EPSTI1: variants seen among roughly 807,000 people sequenced by gnomAD.
EPSTI1 encodes the protein epithelial stromal interaction 1.
A neutral mutation model predicts 49.9 loss-of-function variants in EPSTI1; 66 were observed. That is an observed-to-expected ratio of 1.32 (90% CI 1.08 to 1.62). The LOEUF (loss-of-function observed/expected upper bound fraction) is 1.62, where lower values mean the gene tolerates loss of function less well. Ranked by LOEUF, EPSTI1 falls within the 40% of genes most tolerant of loss-of-function variation. The pLI is 0.00. For synonymous variants in EPSTI1, 137 were observed against 130.7 expected (o/e 1.05, Z -0.33); for missense variants, 394 against 365.5 (o/e 1.08, Z -0.64).
chr13:42,911,107 T>A (rs1269541288), intron 8 of EPSTI1, among the ~76,000 whole-genome samples: 1 of 152,206 alleles, frequency 6.6e-6, no homozygotes, highest in Non-Finnish European at 1.5e-5. Flanking sequence ...TTTGCATTCC[T>A]GGAATAAACT....
intron 8 of EPSTI1, among the ~76,000 whole-genome samples, chr13:42,916,391 T>C (rs1189167451): frequency 6.6e-6 from 1 of 152,150 alleles, no homozygotes; most frequent in African/African-American, 2.4e-5. Context: ...TGACAACCTA[T>C]GGTGCCCAAA....
At chr13:42,980,433 G>C (rs533729304) in intron 1 of EPSTI1, among the ~76,000 whole-genome samples, 1 of 152,184 alleles carries the variant, frequency 6.6e-6, no homozygotes, top group Non-Finnish European at 1.5e-5. Context: ...TGGCTGGGGA[G>C]GCCTCACAAT....
At chr13:42,979,767 T>A (rs1304115076) in intron 1 of EPSTI1, among the ~76,000 whole-genome samples, 1 of 152,272 alleles carries the variant, frequency 6.6e-6, no homozygotes, top group East Asian at 1.9e-4. Flanking sequence ...ACATCATCCC[T>A]AAATATTTTA....
At chr13:42,953,264 A>C (rs899083142) in intron 6 of EPSTI1, among the ~76,000 whole-genome samples, 1 of 152,148 alleles carries the variant, frequency 6.6e-6, no homozygotes, top group African/African-American at 2.4e-5. Flanking sequence ...AAAAAAAAAA[A>C]AAACACTGAC....
chr13:42,944,462 T>C (rs2038859041), intron 6 of EPSTI1, among the ~76,000 whole-genome samples: 1 of 151,846 alleles, frequency 6.6e-6, no homozygotes. Context: ...AAGTGGGAGT[T>C]GAACAACGAG....
At chr13:42,933,305 T>C (rs1488709934) in intron 6 of EPSTI1, among the ~76,000 whole-genome samples, 1 of 74,020 alleles carries the variant, frequency 1.4e-5, no homozygotes, top group African/African-American at 5.3e-5. Context: ...TATTTCAACA[T>C]AAAAAGTAAA....
intron 1 of EPSTI1, among the ~76,000 whole-genome samples, chr13:42,983,587 A>AAAAAAAAC (rs2040027216): frequency 6.7e-6 from 1 of 148,960 alleles, no homozygotes; most frequent in African/African-American, 2.5e-5. Flanking sequence ...AAAAAAAAAA[A>AAAAAAAAC]AACAATGATA....
At chr13:42,896,857 G>A (rs1476970377) in intron 9 of EPSTI1, among the ~76,000 whole-genome samples, 1 of 152,160 alleles carries the variant, frequency 6.6e-6, no homozygotes, top group Non-Finnish European at 1.5e-5. Context: ...TGTAATCCCA[G>A]TGCTTTGGAA....
chr13:42,987,567 GT>G (rs983378775), intron 1 of EPSTI1, among the ~76,000 whole-genome samples: 1 of 139,422 alleles, frequency 7.2e-6, no homozygotes, highest in Non-Finnish European at 1.7e-5. Flanking sequence ...AAACATTGAG[GT>G]TTTTTTGCGA....
chr13:42,988,035 T>C (rs2040116646), intron 1 of EPSTI1, among the ~76,000 whole-genome samples: 1 of 152,200 alleles, frequency 6.6e-6, no homozygotes, highest in African/African-American at 2.4e-5. Context: ...TTCCATATTA[T>C]AGGTTCATTT....
intron 5 of EPSTI1, 24 bp downstream of exon 5, chr13:42,963,231 T>A: frequency 6.3e-7 from 1 of 1,582,982 alleles, no homozygotes. Context: ...TCAGCAAATG[T>A]GAACTAATCC....
chr13:42,989,288 C>A (rs2040143853), intron 1 of EPSTI1, among the ~76,000 whole-genome samples: 1 of 151,884 alleles, frequency 6.6e-6, no homozygotes, highest in African/African-American at 2.4e-5. Flanking sequence ...AAAATTAAAA[C>A]CCTATGAAGT....
intron 5 of EPSTI1, among the ~76,000 whole-genome samples, chr13:42,961,462 T>C (rs2039447243): frequency 6.6e-6 from 1 of 152,140 alleles, no homozygotes. Context: ...GGAATGCAAG[T>C]TACATTCCTG....
At chr13:42,942,423 T>C (rs1183017142) in intron 6 of EPSTI1, among the ~76,000 whole-genome samples, 2 of 152,096 alleles carry the variant, frequency 1.3e-5, no homozygotes, top group Non-Finnish European at 2.9e-5. Flanking sequence ...TTATTTGTTG[T>C]ATTATACTTA....
At chr13:42,889,788 A>G (rs951964230) in intron 10 of EPSTI1, among the ~76,000 whole-genome samples, 3 of 152,106 alleles carry the variant, frequency 2.0e-5, no homozygotes, top group Non-Finnish European at 4.4e-5. Flanking sequence ...TTTAATGTAG[A>G]TATAGTTATC....
chr13:42,892,429 G>A (rs1277635476), intron 10 of EPSTI1, among the ~76,000 whole-genome samples: 1 of 152,170 alleles, frequency 6.6e-6, no homozygotes, highest in Non-Finnish European at 1.5e-5. Context: ...GTGAGAAGCT[G>A]TTGGATTGGA....
chr13:42,898,571 A>C (rs2037262906), intron 9 of EPSTI1, among the ~76,000 whole-genome samples: 1 of 152,224 alleles, frequency 6.6e-6, no homozygotes, highest in Admixed American at 6.5e-5. Context: ...TTTAAGTAGA[A>C]TCAAAAGAAA....
At chr13:42,917,664 T>G in intron 7 of EPSTI1, 40 bp from the exon 8 acceptor site, 1 of 931,744 alleles carries the variant, frequency 1.1e-6, no homozygotes. Context: ...AAAAAACAAC[T>G]TGATAGGATA....
chr13:42,948,023 C>T (rs550969238), intron 6 of EPSTI1, among the ~76,000 whole-genome samples: 10 of 152,336 alleles, frequency 6.6e-5, no homozygotes, highest in African/African-American at 2.4e-4. Context: ...GAGTTGGGTC[C>T]GTCTGCAGAC....
Sources: allele counts gnomAD v4.1 joint callset (sites outside exome capture counted in the v4.1 genomes callset), GRCh38; gene constraint gnomAD v4.1.1; transcripts MANE v1.5; gene names NCBI Gene and HGNC (gene_info 2026-07-23, HGNC 2026-07-21).